Variants in SHLD1 observed in about 807,000 individuals in gnomAD.
SHLD1 encodes RINN1-REV7-interacting novel NHEJ regulator 3.
In SHLD1, 3 loss-of-function variants were observed where a neutral mutation model predicts 5.5. The ratio of observed to expected loss-of-function variants is 0.54; its 90% confidence interval spans 0.25 to 1.40. SHLD1 has a LOEUF of 1.40. Ranked by LOEUF, SHLD1 falls within the 40% of genes most tolerant of loss-of-function variation. The pLI, the probability that SHLD1 is intolerant of heterozygous loss-of-function variation, is 0.15. For missense variants in SHLD1, 210 were observed against 244.4 expected, an observed-to-expected ratio of 0.86 and a Z score of 0.94; for synonymous variants, 92 against 94.3, an observed-to-expected ratio of 0.98 and a Z score of 0.14.
intron 2 of SHLD1, among the ~76,000 whole-genome samples, chr20:5,853,998 C>A (rs2088047893): frequency 6.6e-6 from 1 of 151,562 alleles, no homozygotes; most frequent in African/African-American, 2.4e-5. Flanking sequence ...CACTGCCATG[C>A]TCAGCTAATT....
chr20:5,821,665 G>T (rs1227685917), intron 2 of SHLD1, among the ~76,000 whole-genome samples: 1 of 152,194 alleles, frequency 6.6e-6, no homozygotes. Flanking sequence ...ATCCAGGAGG[G>T]GCTTAATAGG....
intron 2 of SHLD1, among the ~76,000 whole-genome samples, chr20:5,850,421 T>A (rs991116724): frequency 3.9e-5 from 6 of 151,958 alleles, no homozygotes; most frequent in Non-Finnish European, 2.9e-5. Flanking sequence ...CACCTAGCAC[T>A]GGGCTTCCCC....
At chr20:5,768,283 A>G (rs1030161259) in intron 1 of SHLD1, among the ~76,000 whole-genome samples, 5 of 152,030 alleles carry the variant, frequency 3.3e-5, no homozygotes, top group Non-Finnish European at 5.9e-5. Flanking sequence ...CCAATTCTTG[A>G]CACTCACTTT....
At chr20:5,810,588 C>G (rs1248362430) in intron 2 of SHLD1, among the ~76,000 whole-genome samples, 2 of 151,952 alleles carry the variant, frequency 1.3e-5, no homozygotes, top group African/African-American at 4.8e-5. Context: ...TTCTATTTCC[C>G]CTACCAATAG....
chr20:5,769,801 C>T (rs949890529), intron 1 of SHLD1, among the ~76,000 whole-genome samples: 2 of 151,914 alleles, frequency 1.3e-5, no homozygotes, highest in Non-Finnish European at 2.9e-5. Context: ...GTCAGGGGTT[C>T]GAGACCAGCC....
intron 1 of SHLD1, among the ~76,000 whole-genome samples, chr20:5,751,060 C>T (rs1674497090): frequency 6.6e-6 from 1 of 152,140 alleles, no homozygotes. Context: ...AATTGTGCAT[C>T]TATTACTGTG....
At chr20:5,791,908 A>T (rs1054792008) in intron 2 of SHLD1, among the ~76,000 whole-genome samples, 1 of 152,198 alleles carries the variant, frequency 6.6e-6, no homozygotes, top group African/African-American at 2.4e-5. Context: ...AATGGGTGTG[A>T]GGTGATATCT....
chr20:5,805,983 T>C (rs1381672082), intron 2 of SHLD1, among the ~76,000 whole-genome samples: 1 of 152,150 alleles, frequency 6.6e-6, no homozygotes, highest in African/African-American at 2.4e-5. Flanking sequence ...AAGCACAGCC[T>C]TTGGGGTTTG....
intron 2 of SHLD1, among the ~76,000 whole-genome samples, chr20:5,817,432 C>CTCTGTGTGTGTGTGTG (rs1473391202): frequency 1.2e-5 from 1 of 85,588 alleles, no homozygotes; most frequent in African/African-American, 5.6e-5. Flanking sequence ...CTCTCTCTCT[C>CTCTGTGTGTGTGTGTG]TGTGTGTGTG....
At chr20:5,768,166 G>A (rs928159433) in intron 1 of SHLD1, among the ~76,000 whole-genome samples, 7 of 152,158 alleles carry the variant, frequency 4.6e-5, no homozygotes, top group African/African-American at 1.4e-4. Flanking sequence ...TAGAGAAGAG[G>A]TTTCACCATG....
At chr20:5,859,109 G>A (rs2088127055) in intron 2 of SHLD1, among the ~76,000 whole-genome samples, 1 of 152,154 alleles carries the variant, frequency 6.6e-6, no homozygotes, top group African/African-American at 2.4e-5. Context: ...GGTCTGAGAA[G>A]GGAAAATGTG....
At chr20:5,755,522 G>A (rs182190389) in intron 1 of SHLD1, among the ~76,000 whole-genome samples, 47 of 152,168 alleles carry the variant, frequency 3.1e-4, no homozygotes, top group Admixed American at 2.1e-3. Context: ...CAGAAAGGTT[G>A]GGGGCTACTG....
chr20:5,835,644 G>T (rs2087780474), intron 2 of SHLD1, among the ~76,000 whole-genome samples: 3 of 152,218 alleles, frequency 2.0e-5, no homozygotes, highest in East Asian at 3.8e-4. Context: ...CAGCAGTGGG[G>T]GCTGGTGGAG....
At chr20:5,824,143 C>G (rs2087639541) in intron 2 of SHLD1, among the ~76,000 whole-genome samples, 1 of 152,248 alleles carries the variant, frequency 6.6e-6, no homozygotes, top group African/African-American at 2.4e-5. Flanking sequence ...CTTCTCCCAC[C>G]TCTTCCCAGC....
intron 2 of SHLD1, among the ~76,000 whole-genome samples, chr20:5,790,607 C>T (rs955583761): frequency 6.6e-6 from 1 of 151,930 alleles, no homozygotes; most frequent in Non-Finnish European, 1.5e-5. Context: ...CACCTGCCTC[C>T]ATGCCCGGCT....
chr20:5,863,609 G>A lies in SHLD1; in HGVS notation c.*146G>A. ...GCTTTGAGGTTAAAGGCTGGCACCT[G>A]TGACCTGGTATTGGAGCCAGTCAGC... On this transcript the variant is annotated 3_prime_UTR_variant, in exon 3 of 3. Coordinates refer to ENST00000303142, the MANE Select transcript of SHLD1 (RefSeq NM_152504.4). The A allele has an allele frequency of 1.3e-6, 1 of 772,298 alleles. No homozygotes were observed. The highest frequency in any genetic ancestry group is 2.0e-6 in the Non-Finnish European group (1 of 495,774). 47.8% of individuals were successfully genotyped at this position (772,298 alleles called of 1,614,324 possible). A position where few individuals can be genotyped will look rare whatever the true frequency, so the allele number is the denominator to read the frequency against.
intron 2 of SHLD1, among the ~76,000 whole-genome samples, chr20:5,846,222 GGGAGGCCCACAATCTCCTCTT>G (rs1464533497): frequency 1.3e-5 from 2 of 152,126 alleles, no homozygotes; most frequent in African/African-American, 4.8e-5. Flanking sequence ...GACAGATTGT[GGGAGGCCCACAATCTCCTCTT>G]GAAGGAAAAA....
rs533424139 is a variant in SHLD1 at position 5,752,428 on chromosome 20, T to C, written c.-5+1949T>C. ...AAAAAAACAAAAAAGAGAGAATAGATGGTAAATGTCTCTTTTTGGAAATTT... is the reference window on the plus strand; with the variant it reads ...AAAAAAACAAAAAAGAGAGAATAGACGGTAAATGTCTCTTTTTGGAAATTT... On this transcript the variant is annotated intron_variant, in intron 1 of 2. Coordinates refer to ENST00000303142, the MANE Select transcript of SHLD1 (RefSeq NM_152504.4). Among the ~76,000 whole-genome samples, 17 of 150,310 alleles carry C rather than the reference T, an allele frequency of 1.1e-4. 1 individual carries two copies. In the South Asian group the frequency reaches 3.1e-3, roughly 28 times the overall value.
chr20:5,808,061 C>G (rs1410065016), intron 2 of SHLD1, among the ~76,000 whole-genome samples: 1 of 152,272 alleles, frequency 6.6e-6, no homozygotes, highest in Non-Finnish European at 1.5e-5. Context: ...GTGGGCAGAT[C>G]GCGAGGCCAG....
Sources: allele counts gnomAD v4.1 joint callset (sites outside exome capture counted in the v4.1 genomes callset), GRCh38; gene constraint gnomAD v4.1.1; transcripts MANE v1.5; gene names NCBI Gene and HGNC (gene_info 2026-07-23, HGNC 2026-07-21).